Variants in RBFOX1 observed in about 807,000 individuals in gnomAD.
RBFOX1 encodes the protein RNA binding protein fox-1 homolog 1.
RBFOX1 carries 8 observed loss-of-function variants against 57.7 expected under a neutral mutation model. That is an observed-to-expected ratio of 0.14 (90% CI 0.08 to 0.25). The LOEUF (loss-of-function observed/expected upper bound fraction) is 0.25, where lower values mean the gene tolerates loss of function less well. Ranked by LOEUF, RBFOX1 falls within the 10% of genes least tolerant of loss-of-function variation. The pLI is 1.00. For missense variants in RBFOX1, 611 were observed against 548.5 expected, an observed-to-expected ratio of 1.11 and a Z score of -1.14; for synonymous variants, 326 against 222.4, an observed-to-expected ratio of 1.47 and a Z score of -4.15.
chr16:7,145,290 A>G (rs1246404838), intron 4 of RBFOX1, among the ~76,000 whole-genome samples: 2 of 152,060 alleles, frequency 1.3e-5, no homozygotes, highest in Non-Finnish European at 2.9e-5. Flanking sequence ...CTGCAGCCTC[A>G]ACTTCCCGGG....
chr16:6,071,910 TTTCC>T (rs1171254503), intron 1 of RBFOX1, among the ~76,000 whole-genome samples: 1 of 152,214 alleles, frequency 6.6e-6, no homozygotes, highest in Admixed American at 6.5e-5. Context: ...AATGTCAGGA[TTTCC>T]TTCTTCTTTA....
chr16:5,543,577 A>G (rs941307038), intron 2 of RBFOX1, among the ~76,000 whole-genome samples: 6 of 151,662 alleles, frequency 4.0e-5, no homozygotes, highest in African/African-American at 1.5e-4. Flanking sequence ...TGTGTAGATG[A>G]AGTCCCTAAA....
chr16:7,374,923 C>T (rs768792483), intron 4 of RBFOX1, among the ~76,000 whole-genome samples: 8 of 152,166 alleles, frequency 5.3e-5, no homozygotes, highest in Non-Finnish European at 1.0e-4. Context: ...ATTTCAAGAC[C>T]TCTGCACTTA....
chr16:5,786,754 T>C (rs1368238957), intron 3 of RBFOX1, among the ~76,000 whole-genome samples: 1 of 152,210 alleles, frequency 6.6e-6, no homozygotes, highest in East Asian at 1.9e-4. Flanking sequence ...ACTGGCTTCA[T>C]GTCAGACTCT....
At chr16:7,464,324 A>G (rs11077180) in intron 4 of RBFOX1, among the ~76,000 whole-genome samples, 82,670 of 151,668 alleles carry the variant, frequency 0.55, 22,821 homozygotes, top group East Asian at 0.76. Context: ...CAGTAAAATG[A>G]TCACCATCGC....
chr16:6,935,836 GC>G (rs1208242484), intron 3 of RBFOX1, among the ~76,000 whole-genome samples: 1 of 152,264 alleles, frequency 6.6e-6, no homozygotes, highest in African/African-American at 2.4e-5. Context: ...TTTATCCGGG[GC>G]CAGGATACCT....
intron 1 of RBFOX1, among the ~76,000 whole-genome samples, chr16:5,253,747 T>C (rs9939003): frequency 0.83 from 125,794 of 152,222 alleles, 52,481 homozygotes; most frequent in East Asian, 1. Flanking sequence ...CACATGTTCA[T>C]TTGCTCTCTC....
intron 3 of RBFOX1, among the ~76,000 whole-genome samples, chr16:6,893,483 G>T: frequency 6.6e-6 from 1 of 152,110 alleles, no homozygotes; most frequent in Non-Finnish European, 1.5e-5. Flanking sequence ...CGATAGAGAG[G>T]TCCCTTGTCA....
chr16:5,906,160 G>T (rs1220551425), intron 4 of RBFOX1, among the ~76,000 whole-genome samples: 4 of 152,146 alleles, frequency 2.6e-5, no homozygotes, highest in African/African-American at 7.2e-5. Flanking sequence ...GCCTCCCCCA[G>T]ACTGGTGAAG....
At chr16:7,232,483 C>T (rs1292238832) in intron 4 of RBFOX1, among the ~76,000 whole-genome samples, 1 of 152,110 alleles carries the variant, frequency 6.6e-6, no homozygotes, top group Non-Finnish European at 1.5e-5. Flanking sequence ...CATGCAAATA[C>T]CTCCCCACAC....
At chr16:6,705,058 A>T (rs1043663404) in intron 3 of RBFOX1, 9 of 152,148 alleles carry the variant, frequency 5.9e-5, no homozygotes, top group African/African-American at 1.9e-4. Flanking sequence ...AACCAGATGC[A>T]CTAAGCAGCT....
intron 3 of RBFOX1, among the ~76,000 whole-genome samples, chr16:6,746,735 GT>G (rs1196495879): frequency 2.6e-5 from 4 of 151,888 alleles, no homozygotes; most frequent in Non-Finnish European, 5.9e-5. Flanking sequence ...TTAATTGAAA[GT>G]TTACATAGGG....
intron 2 of RBFOX1, among the ~76,000 whole-genome samples, chr16:6,617,959 G>A (rs1005007215): frequency 3.3e-5 from 5 of 152,174 alleles, no homozygotes; most frequent in African/African-American, 7.2e-5. Flanking sequence ...GTGCATGCTG[G>A]TGTCTTGCAA....
At chr16:7,126,757 G>A (rs1055637488) in intron 4 of RBFOX1, 1 of 152,116 alleles carries the variant, frequency 6.6e-6, no homozygotes, top group Admixed American at 6.6e-5. Context: ...GAGAGGCTGA[G>A]GCGGGCAGAT....
chr16:7,397,012 G>A (rs1490258622), intron 4 of RBFOX1, among the ~76,000 whole-genome samples: 1 of 152,136 alleles, frequency 6.6e-6, no homozygotes, highest in Admixed American at 6.6e-5. Flanking sequence ...GAAACACATA[G>A]CCTACACATT....
intron 1 of RBFOX1, among the ~76,000 whole-genome samples, chr16:5,391,804 A>T (rs1173947889): frequency 1.3e-5 from 2 of 151,800 alleles, no homozygotes; most frequent in African/African-American, 4.8e-5. Context: ...GTGGATAAAG[A>T]AACTATGGTG....
At chr16:6,372,105 C>T (rs576356874) in intron 2 of RBFOX1, among the ~76,000 whole-genome samples, 4 of 145,398 alleles carry the variant, frequency 2.8e-5, no homozygotes, top group South Asian at 2.2e-4. Flanking sequence ...AGTGGAGATT[C>T]GATGGAAAAG....
At chr16:6,546,057 T>A (rs1258785725) in intron 2 of RBFOX1, among the ~76,000 whole-genome samples, 1 of 152,222 alleles carries the variant, frequency 6.6e-6, no homozygotes, top group African/African-American at 2.4e-5. Context: ...GCTGATGAAC[T>A]ATTAAAAAAT....
chr16:6,872,730 T>C (rs914130040), intron 3 of RBFOX1, among the ~76,000 whole-genome samples: 3 of 152,174 alleles, frequency 2.0e-5, no homozygotes, highest in African/African-American at 7.2e-5. Flanking sequence ...TCAAAACCTG[T>C]GTTTTTTGTC....
Sources: gnomAD v4.1 joint callset for allele counts (sites outside exome capture counted in the v4.1 genomes callset) on GRCh38, gnomAD v4.1.1 for gene constraint, MANE v1.5 for transcripts, NCBI Gene and HGNC (gene_info 2026-07-23, HGNC 2026-07-21) for gene names.